The following NCOA7 variants were observed in gnomAD, a reference collection of about 807,000 sequenced individuals.
The protein encoded by NCOA7 is 140 kDa estrogen receptor-associated protein.
A neutral mutation model predicts 104.3 loss-of-function variants in NCOA7; 45 were observed. That is an observed-to-expected ratio of 0.43 (90% CI 0.34 to 0.55). The LOEUF is 0.55. Among genes scored for constraint, NCOA7 ranks in the 20% least tolerant of loss-of-function variants. The pLI is 0.02. For missense variants in NCOA7, 1,041 were observed against 1,119.7 expected (o/e 0.93, Z 1.00); for synonymous variants, 398 against 402.3 (o/e 0.99, Z 0.13).
At chr6:125,928,506 C>G in intron 15 of NCOA7, 130 bp from the exon 16 acceptor site, 1 of 1,050,366 alleles carries the variant, frequency 9.5e-7, no homozygotes, top group Non-Finnish European at 1.4e-6. Flanking sequence ...GAAATGTATC[C>G]TGGTTTTATA....
At chr6:125,823,720 G>A (rs1778403643) in intron 2 of NCOA7, among the ~76,000 whole-genome samples, 1 of 152,166 alleles carries the variant, frequency 6.6e-6, no homozygotes, top group African/African-American at 2.4e-5. Context: ...CTTCGTTTTT[G>A]AGGAACAGGC....
chr6:125,866,586 GACTGTCT>G (rs1035073213), intron 3 of NCOA7, among the ~76,000 whole-genome samples: 2 of 152,122 alleles, frequency 1.3e-5, no homozygotes, highest in African/African-American at 4.8e-5. Context: ...TGCACTGGGA[GACTGTCT>G]TTAAGTTACT....
At chr6:125,859,695 T>C (rs1248311146) in intron 3 of NCOA7, among the ~76,000 whole-genome samples, 1 of 152,206 alleles carries the variant, frequency 6.6e-6, no homozygotes, top group Non-Finnish European at 1.5e-5. Context: ...ATAAGCAATA[T>C]ATAACAAAAT....
intron 2 of NCOA7, among the ~76,000 whole-genome samples, chr6:125,831,943 G>A (rs1051705463): frequency 6.6e-6 from 1 of 152,054 alleles, no homozygotes; most frequent in African/African-American, 2.4e-5. Context: ...TGAGTTTATT[G>A]GGCCATATTT....
chr6:125,891,576 A>G lies in NCOA7; in HGVS notation c.2096+766A>G, dbSNP rs548532857. On this transcript the variant is annotated intron_variant, in intron 10 of 15. Transcript: ENST00000392477. ...CATCTTGCCCCTTAAAAACATCATC[A>G]TCTAGCCAGATATTCTGGCTAACAC... Among the ~76,000 whole-genome samples, 107 of 152,328 alleles carry G rather than the reference A, an allele frequency of 7.0e-4. 1 individual carries two copies. The highest frequency in any genetic ancestry group is 7.0e-3 in the Admixed American group (107 of 15,304).
chr6:125,874,793 A>T, intron 3 of NCOA7, 96 bp from the exon 4 acceptor site: 1 of 835,536 alleles, frequency 1.2e-6, no homozygotes, highest in South Asian at 1.6e-5. Flanking sequence ...TCTTTTTGTC[A>T]GTTGATTTGA....
At chr6:125,784,987 AAC>A (rs3084325) in intron 1 of NCOA7, among the ~76,000 whole-genome samples, 2,367 of 148,140 alleles carry the variant, frequency 0.016, 36 homozygotes, top group African/African-American at 0.037. Flanking sequence ...GTTGCATATA[AAC>A]ACACACACAC....
chr6:125,813,943 A>G (rs1035991008), intron 1 of NCOA7, among the ~76,000 whole-genome samples: 1 of 152,006 alleles, frequency 6.6e-6, no homozygotes, highest in Non-Finnish European at 1.5e-5. Flanking sequence ...TCTATTTTTC[A>G]GCAGTACATA....
intron 5 of NCOA7, among the ~76,000 whole-genome samples, chr6:125,880,728 C>T (rs1160226898): frequency 6.6e-6 from 1 of 151,954 alleles, no homozygotes; most frequent in East Asian, 1.9e-4. Flanking sequence ...GACAAGGTTT[C>T]ACCATGTTGG....
At position 125,929,682 on chromosome 6, in the gene NCOA7, CTTAAG is replaced by C. The variant is rs1788348565; in HGVS notation, c.*914_*918del. Reference sequence around the variant, plus strand: ...AAAAGAATACATCATTTCTCACAGTCTTAAGTTGATATTTATAGAAATGAATACCT... The same window carrying C: ...AAAAGAATACATCATTTCTCACAGTCTTGATATTTATAGAAATGAATACCT... On this transcript the variant is annotated 3_prime_UTR_variant, in exon 16 of 16. Transcript: ENST00000392477. 1 of 152,022 alleles carries C rather than the reference CTTAAG, an allele frequency of 6.6e-6. No homozygotes were observed. The highest frequency in any genetic ancestry group is 1.5e-5 in the Non-Finnish European group (1 of 68,006). 9.4% of individuals were successfully genotyped at this position (152,022 alleles called of 1,614,324 possible).
In NCOA7 at chr6:125,892,396, GT is replaced by G. The variant is rs542409158; in HGVS notation, c.2096+1591del. On this transcript the variant is annotated intron_variant, in intron 10 of 15. Coordinates refer to ENST00000392477, the MANE Select transcript of NCOA7 (RefSeq NM_181782.5). ...TTCACTTCTTATACCACTTCAAGTGGTTTTTGTGAGCTTTTAAAAGCAGGTC... is the reference window on the plus strand; with the variant it reads ...TTCACTTCTTATACCACTTCAAGTGGTTTTGTGAGCTTTTAAAAGCAGGTC... 2.8e-3 allele frequency among the ~76,000 whole-genome samples: 421 copies of G among 152,194 alleles called. 1 individual carries two copies. Among genetic ancestry groups the G allele is most frequent in the African/African-American group, 9.4e-3 (390 of 41,528 alleles).
At chr6:125,834,746 A>G (rs1779475000) in intron 2 of NCOA7, among the ~76,000 whole-genome samples, 1 of 152,192 alleles carries the variant, frequency 6.6e-6, no homozygotes, top group Non-Finnish European at 1.5e-5. Flanking sequence ...AGGAGCATAG[A>G]TTGAAGATGC....
intron 2 of NCOA7, among the ~76,000 whole-genome samples, chr6:125,828,377 G>T (rs897504362): frequency 1.3e-5 from 2 of 152,212 alleles, no homozygotes; most frequent in African/African-American, 4.8e-5. Context: ...TAATTGATTG[G>T]ATAAAAGCAG....
At position 125,863,961 on chromosome 6, in the gene NCOA7, A is replaced by T. The variant is rs1365499725; in HGVS notation, c.271+8721A>T. Among the ~76,000 whole-genome samples, 12 of 137,986 alleles carry T rather than the reference A, an allele frequency of 8.7e-5. 1 individual carries two copies. Among genetic ancestry groups the T allele is most frequent in the Non-Finnish European group, 1.8e-4 (12 of 64,918 alleles). The allele number at this position is 137,986 out of a possible 152,430, so 90.5% of individuals were successfully genotyped here. A position where few individuals can be genotyped will look rare whatever the true frequency, so the allele number is the denominator to read the frequency against. ...TTCAACATATGAATTTTGGGGGAAC[A>T]TAACATTAAAATCTTAGCAAATACA... is the stretch of plus-strand genomic sequence containing the variant. On this transcript the variant is annotated intron_variant, in intron 3 of 15. Coordinates refer to ENST00000392477, the MANE Select transcript of NCOA7 (RefSeq NM_181782.5).
chr6:125,842,454 T>C (rs1780260344), intron 2 of NCOA7, among the ~76,000 whole-genome samples: 2 of 152,222 alleles, frequency 1.3e-5, no homozygotes, highest in African/African-American at 4.8e-5. Context: ...CACGAAAATA[T>C]ATGCCAATGC....
chr6:125,837,145 T>C (rs1779682617), intron 2 of NCOA7, among the ~76,000 whole-genome samples: 2 of 152,220 alleles, frequency 1.3e-5, no homozygotes, highest in African/African-American at 4.8e-5. Context: ...AAAGTCTATG[T>C]AACATGGTCT....
rs746353227 is a variant in NCOA7, at chr6:125,889,175, T to C, written c.1121T>C (p.Leu374Pro). 3 of 1,614,080 alleles carry C rather than the reference T, an allele frequency of 1.9e-6. No homozygotes were observed. The highest frequency in any genetic ancestry group is 2.5e-6 in the Non-Finnish European group (3 of 1,180,008). ...GSSVSEKLKKLDSSRETSHGS... is the reference protein window; with the variant it reads ...GSSVSEKLKKPDSSRETSHGS... ...TCTGTGTCAGAGAAATTAAAGAAAC[T>C]GGACTCCTCTAGGGAGACATCCCAT... The change falls in exon 9 of 16, where the codon CTG (leucine) becomes CCG (proline). Residue 374 changes from leucine to proline, a missense_variant. Around this residue, in one of 2 missense-constraint regions of NCOA7, gnomAD observed 914 missense variants for 942.7 expected, o/e 0.97. Transcript: ENST00000392477.
intron 1 of NCOA7, among the ~76,000 whole-genome samples, chr6:125,800,768 T>C (rs1775810596): frequency 6.6e-6 from 1 of 152,240 alleles, no homozygotes; most frequent in Non-Finnish European, 1.5e-5. Flanking sequence ...GGCTCACGCC[T>C]GTAATTCCAA....
upstream of NCOA7, among the ~76,000 whole-genome samples, chr6:125,790,385 T>C (rs879898199): frequency 1.3e-5 from 2 of 152,164 alleles, no homozygotes; most frequent in East Asian, 1.9e-4. Flanking sequence ...AGGACCCTCC[T>C]AGGTGCCGCT....
Sources: allele counts gnomAD v4.1 joint callset (sites outside exome capture counted in the v4.1 genomes callset), GRCh38; gene constraint gnomAD v4.1.1; regional missense constraint gnomAD v4.1.1; transcripts MANE v1.5; gene names NCBI Gene and HGNC (gene_info 2026-07-23, HGNC 2026-07-21).